Variants in SUSD1 observed in about 807,000 individuals in gnomAD.
SUSD1 encodes the protein sushi domain-containing protein 1.
A neutral mutation model predicts 86.9 loss-of-function variants in SUSD1; 65 were observed. The observed-to-expected ratio is 0.75, with a 90% CI of 0.61 to 0.92. The LOEUF (loss-of-function observed/expected upper bound fraction) is 0.92. Among genes scored for constraint, SUSD1 ranks in the 40% least tolerant of loss-of-function variants. The pLI is 0.00. For synonymous variants in SUSD1, 346 were observed against 350.0 expected (o/e 0.99, Z 0.13); for missense variants, 850 against 929.7 (o/e 0.91, Z 1.11).
At chr9:112,078,271 C>A (rs1829606487) in intron 12 of SUSD1, among the ~76,000 whole-genome samples, 1 of 152,060 alleles carries the variant, frequency 6.6e-6, no homozygotes, top group Non-Finnish European at 1.5e-5. Flanking sequence ...CATTTAAGCC[C>A]AGGTCAAGGC....
intron 1 of SUSD1, among the ~76,000 whole-genome samples, chr9:112,168,992 A>C (rs1324710441): frequency 2.0e-5 from 3 of 152,186 alleles, no homozygotes; most frequent in Non-Finnish European, 4.4e-5. Flanking sequence ...AGGAAGAAAA[A>C]GCATTCCCAA....
intron 15 of SUSD1, among the ~76,000 whole-genome samples, chr9:112,046,597 C>T (rs1027015806): frequency 5.9e-5 from 9 of 152,154 alleles, no homozygotes; most frequent in African/African-American, 2.2e-4. Flanking sequence ...TACTCTCAGA[C>T]TTTGTGACAG....
chr9:112,134,013 G>C (rs1832147803), intron 5 of SUSD1, among the ~76,000 whole-genome samples: 2 of 152,066 alleles, frequency 1.3e-5, no homozygotes, highest in African/African-American at 4.8e-5. Context: ...ACCACAATGA[G>C]ATTCCATCTC....
At chr9:112,138,281 G>GT (rs1491304710) in intron 5 of SUSD1, among the ~76,000 whole-genome samples, 2 of 47,242 alleles carry the variant, frequency 4.2e-5, no homozygotes, top group African/African-American at 9.4e-5. Context: ...ATATATATAT[G>GT]AAGTCCAGGA....
Position 112,111,673 on chromosome 9 carries a change from G to C in SUSD1, c.1152C>G (p.Val384=). ...ACCTACCAGCTGTCTGGAAACCGAT[G>C]ACGGCTGGCATCGAGCGCCTGGGAG... ...TAPPRRSMPA[V]IGFQTAEVDL... is the part of the protein sequence containing the mutation. Residue 384 remains valine, a synonymous_variant, in exon 8 of 17, where the codon GTC becomes GTG. Coordinates refer to ENST00000374270, the MANE Select transcript of SUSD1 (RefSeq NM_022486.5). The C allele has an allele frequency of 5.6e-6, 9 of 1,613,832 alleles. No homozygotes were observed. Among genetic ancestry groups the C allele is most frequent in the Non-Finnish European group, 7.6e-6 (9 of 1,179,898 alleles).
At chr9:112,092,262 T>C (rs1488581647) in intron 10 of SUSD1, among the ~76,000 whole-genome samples, 2 of 152,252 alleles carry the variant, frequency 1.3e-5, no homozygotes, top group African/African-American at 2.4e-5. Flanking sequence ...CAGGCATTTC[T>C]AATGCATCTT....
chr9:112,095,922 C>A (rs2782932), intron 10 of SUSD1, among the ~76,000 whole-genome samples: 1 of 151,960 alleles, frequency 6.6e-6, no homozygotes, highest in African/African-American at 2.4e-5. Context: ...AAGGGAGCAA[C>A]GAAAATGGAA....
intron 15 of SUSD1, chr9:112,052,042 G>T: frequency 1.2e-6 from 1 of 825,824 alleles, no homozygotes; most frequent in Non-Finnish European, 1.6e-6. Context: ...TCGGTAAGCT[G>T]CGGGAGCTTG....
intron 10 of SUSD1, among the ~76,000 whole-genome samples, chr9:112,095,603 G>T (rs1324386630): frequency 2.0e-5 from 3 of 152,164 alleles, no homozygotes; most frequent in Non-Finnish European, 2.9e-5. Flanking sequence ...ATCAGCTGAG[G>T]GTAATTCCCC....
chr9:112,116,871 G>A (rs968298574), intron 6 of SUSD1, among the ~76,000 whole-genome samples: 2 of 152,190 alleles, frequency 1.3e-5, no homozygotes, highest in African/African-American at 4.8e-5. Context: ...CAGGCACAGT[G>A]GCTGACACCT....
intron 5 of SUSD1, among the ~76,000 whole-genome samples, chr9:112,140,088 C>T (rs1169116126): frequency 2.5e-5 from 2 of 80,210 alleles, no homozygotes; most frequent in African/African-American, 2.0e-4. Flanking sequence ...TGGGGCCGGG[C>T]GCGGTGGCTC....
chr9:112,043,459 AC>A (rs903952619), intron 15 of SUSD1, among the ~76,000 whole-genome samples: 1 of 151,290 alleles, frequency 6.6e-6, no homozygotes, highest in Non-Finnish European at 1.5e-5. Flanking sequence ...TGACTCACTG[AC>A]CCCCCCATCC....
intron 2 of SUSD1, among the ~76,000 whole-genome samples, chr9:112,152,738 T>G (rs920475404): frequency 6.9e-6 from 1 of 145,768 alleles, no homozygotes; most frequent in Non-Finnish European, 1.5e-5. Flanking sequence ...TTTCTTCTAT[T>G]ATTTTTTTTA....
At chr9:112,167,151 T>C (rs10739334) in intron 1 of SUSD1, among the ~76,000 whole-genome samples, 126,972 of 151,722 alleles carry the variant, frequency 0.84, 53,513 homozygotes, top group African/African-American at 0.94. Context: ...GGCTAGAGTG[T>C]AGTGGCACAA....
chr9:112,163,831 C>G (rs1226151472), intron 1 of SUSD1, among the ~76,000 whole-genome samples: 1 of 151,632 alleles, frequency 6.6e-6, no homozygotes, highest in Non-Finnish European at 1.5e-5. Context: ...AAACCTGTCT[C>G]TACTAAAAAT....
At chr9:112,141,724 G>A (rs1198111894) in intron 5 of SUSD1, among the ~76,000 whole-genome samples, 1 of 138,004 alleles carries the variant, frequency 7.2e-6, no homozygotes, top group African/African-American at 2.9e-5. Flanking sequence ...TACATGTAAT[G>A]TATTATATAT....
At position 112,157,614 on chromosome 9, in the gene SUSD1, C is replaced by T; in HGVS notation, c.104-1G>A. ...TGGCAAGTGGCACAGACGTCTAAAC[C>T]TGAATCATAAATTGTATGTTTCAGA... On this transcript the variant is annotated splice_acceptor_variant, in intron 1 of 16. Coordinates refer to ENST00000374270, the MANE Select transcript of SUSD1 (RefSeq NM_022486.5). LOFTEE classifies it high-confidence loss of function. 1 of 1,609,930 alleles carries T rather than the reference C, an allele frequency of 6.2e-7. No individual in the cohort carries two copies. The highest frequency in any genetic ancestry group is 1.7e-5 in the Admixed American group (1 of 59,838).
intron 15 of SUSD1, among the ~76,000 whole-genome samples, chr9:112,051,408 C>CTTTTT (rs746946192): frequency 0.025 from 1,903 of 76,360 alleles, no homozygotes; most frequent in Non-Finnish European, 0.034. Flanking sequence ...TTTTTCTTTT[C>CTTTTT]TTTTTTTTTT....
chr9:112,052,667 C>T (rs1828270401), intron 14 of SUSD1, among the ~76,000 whole-genome samples: 1 of 152,154 alleles, frequency 6.6e-6, no homozygotes, highest in Non-Finnish European at 1.5e-5. Flanking sequence ...CTATAGGTTT[C>T]CAACAGGTCT....
Sources: gnomAD v4.1 joint callset for allele counts (sites outside exome capture counted in the v4.1 genomes callset) on GRCh38, gnomAD v4.1.1 for gene constraint, MANE v1.5 for transcripts, NCBI Gene and HGNC (gene_info 2026-07-23, HGNC 2026-07-21) for gene names.